CD99: variants seen among roughly 807,000 people sequenced by gnomAD.
CD99 encodes CD99 antigen.
A neutral mutation model predicts 28.4 loss-of-function variants in CD99; 19 were observed. That is an observed-to-expected ratio of 0.67 (90% CI 0.47 to 0.98). The LOEUF (loss-of-function observed/expected upper bound fraction) is 0.98. CD99 is among the 50% of genes least tolerant of loss of function. The pLI is 0.00. For synonymous variants in CD99, 103 were observed against 92.1 expected (o/e 1.12, Z -0.67); for missense variants, 283 against 248.8 (o/e 1.14, Z -0.92).
intron 1 of CD99, among the ~76,000 whole-genome samples, chrX:2,701,206 C>T (rs1204706924): frequency 1.3e-5 from 2 of 148,680 alleles, no homozygotes; most frequent in African/African-American, 5.0e-5. Context: ...CACTCACCCA[C>T]GCATGCATCC....
intron 8 of CD99, among the ~76,000 whole-genome samples, chrX:2,734,911 C>T (rs1376316231): frequency 5.3e-5 from 8 of 151,932 alleles, no homozygotes; most frequent in Admixed American, 2.6e-4. Context: ...TAGCTGAGCA[C>T]GGATGGTTTG....
chrX:2,715,929 C>A (rs905093217), intron 2 of CD99, among the ~76,000 whole-genome samples: 10 of 152,130 alleles, frequency 6.6e-5, no homozygotes, highest in Admixed American at 2.0e-4. Context: ...ACTGCAAAGA[C>A]CCTGTTTCCA....
intron 3 of CD99, 168 bp downstream of exon 3, chrX:2,717,820 T>C: frequency 3.2e-6 from 2 of 634,102 alleles, no homozygotes; most frequent in Non-Finnish European, 5.7e-6. Flanking sequence ...ACATTTCATG[T>C]AGTGATTCCA....
intron 8 of CD99, among the ~76,000 whole-genome samples, chrX:2,726,772 G>GTCATC (rs1244697406): frequency 6.6e-6 from 1 of 152,052 alleles, no homozygotes; most frequent in Non-Finnish European, 1.5e-5. Flanking sequence ...TACAACCGAT[G>GTCATC]TCATCATCAG....
rs112732823 is a variant in CD99, at chrX:2,727,009, C to T, written c.475+636C>T. On this transcript the variant is annotated intron_variant, in intron 8 of 9. Transcript: ENST00000381192. ...AAAATTAGCCGGGCATGGTGGCGGG[C>T]GTCTGTAGTCCCAGCTACTCGGAAG... is the stretch of plus-strand genomic sequence containing the variant. Among the ~76,000 whole-genome samples the T allele has an allele frequency of 4.6e-3, 700 of 152,106 alleles. 2 individuals carry two copies. Among genetic ancestry groups the T allele is most frequent in the Non-Finnish European group, 7.9e-3 (534 of 67,978 alleles).
chrX:2,725,580 C>T (rs1011186399), intron 7 of CD99, among the ~76,000 whole-genome samples: 10 of 152,292 alleles, frequency 6.6e-5, no homozygotes, highest in African/African-American at 9.6e-5. Flanking sequence ...TGGGCTCCTT[C>T]CTCCAGGTTT....
At chrX:2,717,851 G>A in intron 3 of CD99, 199 bp downstream of exon 3, 1 of 590,424 alleles carries the variant, frequency 1.7e-6, no homozygotes, top group Admixed American at 2.9e-5. Flanking sequence ...GGTTGCTGAT[G>A]TGAAATGTTT....
At chrX:2,738,881 T>C (rs1795696686) in intron 9 of CD99, among the ~76,000 whole-genome samples, 1 of 151,742 alleles carries the variant, frequency 6.6e-6, no homozygotes, top group Non-Finnish European at 1.5e-5. Context: ...AGGGTCTCAC[T>C]CTGTCGCCCA....
intron 2 of CD99, chrX:2,717,361 A>AG (rs2048775670): frequency 4.0e-6 from 2 of 500,798 alleles, no homozygotes; most frequent in East Asian, 6.4e-5. Flanking sequence ...AAAAAAAAAA[A>AG]AAGAAGTGGA....
intron 8 of CD99, chrX:2,737,922 G>A (rs1479850667): frequency 3.1e-6 from 2 of 643,898 alleles, no homozygotes; most frequent in East Asian, 6.1e-5. Context: ...TTAGGGAGAA[G>A]AAAGCAACCC....
At chrX:2,724,297 A>G (rs2049157900) in intron 7 of CD99, among the ~76,000 whole-genome samples, 1 of 152,160 alleles carries the variant, frequency 6.6e-6, no homozygotes, top group Non-Finnish European at 1.5e-5. Flanking sequence ...TTTCTATGAC[A>G]TGACTGTGTC....
rs892410632 is a variant in CD99 at position 2,728,200 on chromosome X, C to CTTTTTT, written c.475+1844_475+1849dup. Among the ~76,000 whole-genome samples, 191 of 106,962 alleles carry CTTTTTT rather than the reference C, an allele frequency of 1.8e-3. 4 individuals carry two copies. Among genetic ancestry groups the CTTTTTT allele is most frequent in the African/African-American group, 7.1e-3 (180 of 25,482 alleles). The allele number at this position is 106,962 out of a possible 152,430, so 70.2% of individuals were successfully genotyped here. A position where few individuals can be genotyped will look rare whatever the true frequency, so the allele number is the denominator to read the frequency against. On this transcript the variant is annotated intron_variant, in intron 8 of 9. Coordinates refer to ENST00000381192, the MANE Select transcript of CD99 (RefSeq NM_002414.5). The stretch of plus-strand genomic sequence containing the variant: ...AGTGGGAAATGGTGTTTGGTTGTTT[C>CTTTTTT]TTTTTTTTTTTTTTTTTTTTTTGAG...
chrX:2,725,883 G>A (rs1435161602), intron 7 of CD99, among the ~76,000 whole-genome samples: 1 of 152,172 alleles, frequency 6.6e-6, no homozygotes, highest in Non-Finnish European at 1.5e-5. Flanking sequence ...AAAGTGCTGG[G>A]ATTACAGGCG....
At chrX:2,713,442 A>T (rs1261594338) in intron 1 of CD99, among the ~76,000 whole-genome samples, 2 of 152,172 alleles carry the variant, frequency 1.3e-5, no homozygotes, top group Non-Finnish European at 1.5e-5. Flanking sequence ...ACACATACAC[A>T]TATGCACACA....
At chrX:2,700,831 A>G (rs1361996408) in intron 1 of CD99, among the ~76,000 whole-genome samples, 1 of 151,464 alleles carries the variant, frequency 6.6e-6, no homozygotes, top group Non-Finnish European at 1.5e-5. Flanking sequence ...CCATCTGTCC[A>G]TCCATCCACC....
intron 8 of CD99, among the ~76,000 whole-genome samples, chrX:2,728,989 C>A (rs937927896): frequency 6.6e-6 from 1 of 152,102 alleles, no homozygotes; most frequent in Non-Finnish European, 1.5e-5. Context: ...CATCACCACA[C>A]CCGGCTAATT....
chrX:2,711,811 A>G (rs1201976546), intron 1 of CD99, among the ~76,000 whole-genome samples: 2 of 152,270 alleles, frequency 1.3e-5, no homozygotes, highest in African/African-American at 4.8e-5. Context: ...AGGCTGAGGC[A>G]GGTGGATCAC....
chrX:2,733,738 G>A lies in CD99; in HGVS notation c.476-4462G>A, dbSNP rs1476762254. ...ATCCCTGCCAAGGGAACAAACTGGG[G>A]CCCAGGGTGGCCACCCTCTTCCCTG... On this transcript the variant is annotated intron_variant, in intron 8 of 9. Coordinates refer to ENST00000381192, the MANE Select transcript of CD99 (RefSeq NM_002414.5). The A allele has an allele frequency of 1.2e-5, 4 of 330,910 alleles. No homozygotes were observed. In the Admixed American group the frequency reaches 1.7e-4, roughly 14 times the overall value. The allele number at this position is 330,910 out of a possible 1,614,324, so 20.5% of individuals were successfully genotyped here.
At chrX:2,693,150 G>GTGGTT (rs770862071) in intron 1 of CD99, among the ~76,000 whole-genome samples, 12,949 of 146,862 alleles carry the variant, frequency 0.088, 665 homozygotes, top group East Asian at 0.19. Flanking sequence ...GGTGGTGGTG[G>GTGGTT]TTTTTTTTTT....
Sources: allele counts gnomAD v4.1 joint callset (sites outside exome capture counted in the v4.1 genomes callset), GRCh38; gene constraint gnomAD v4.1.1; transcripts MANE v1.5; gene names NCBI Gene and HGNC (gene_info 2026-07-23, HGNC 2026-07-21).